Variants in TSPAN5 observed in about 807,000 individuals in gnomAD.
The protein encoded by TSPAN5 is tetraspanin 5, also known as tetraspanin-5.
TSPAN5 carries 10 observed loss-of-function variants against 37.1 expected under a neutral mutation model. The ratio of observed to expected loss-of-function variants is 0.27; its 90% confidence interval spans 0.17 to 0.46. TSPAN5 has a LOEUF of 0.46. TSPAN5 is among the 20% of genes least tolerant of loss of function. The pLI is 1.00. For missense variants in TSPAN5, 195 were observed against 326.6 expected (o/e 0.60, Z 3.11); for synonymous variants, 110 against 118.9 (o/e 0.93, Z 0.48).
At chr4:98,636,632 T>C (rs1756861659) in intron 1 of TSPAN5, among the ~76,000 whole-genome samples, 1 of 152,162 alleles carries the variant, frequency 6.6e-6, no homozygotes, top group African/African-American at 2.4e-5. Flanking sequence ...TCTATTAATC[T>C]GTGCACTTAA....
chr4:98,658,119 T>A (rs1174183439), intron 1 of TSPAN5, 27 bp downstream of exon 1: 2 of 1,594,408 alleles, frequency 1.3e-6, no homozygotes, highest in Non-Finnish European at 1.7e-6. Context: ...CCACAATAGT[T>A]GGAATCCCAG....
intron 3 of TSPAN5, among the ~76,000 whole-genome samples, chr4:98,485,715 G>C (rs1455537157): frequency 1.3e-5 from 2 of 150,816 alleles, no homozygotes; most frequent in Admixed American, 1.3e-4. Context: ...AAATGCTGGG[G>C]AAGAGAATCA....
intron 1 of TSPAN5, among the ~76,000 whole-genome samples, chr4:98,604,280 C>T (rs1389085917): frequency 6.6e-6 from 1 of 152,154 alleles, no homozygotes. Flanking sequence ...TTACACCAAA[C>T]CCCTAAAAAA....
intron 1 of TSPAN5, chr4:98,574,921 GCAC>G (rs1755200058): frequency 6.5e-6 from 1 of 153,090 alleles, no homozygotes; most frequent in South Asian, 2.0e-4. Flanking sequence ...AAAGAAAAGG[GCAC>G]CACGAAGATT....
chr4:98,603,192 G>A (rs746263216), intron 1 of TSPAN5, among the ~76,000 whole-genome samples: 18 of 152,026 alleles, frequency 1.2e-4, no homozygotes, highest in Non-Finnish European at 2.4e-4. Context: ...ACTGCATATC[G>A]CCATCTGTAC....
intron 1 of TSPAN5, among the ~76,000 whole-genome samples, chr4:98,548,747 C>G (rs1754528986): frequency 6.6e-6 from 1 of 151,948 alleles, no homozygotes; most frequent in Non-Finnish European, 1.5e-5. Context: ...ATCATTTGGC[C>G]CCCGTTTACA....
At chr4:98,487,009 G>T in intron 2 of TSPAN5, 125 bp from the exon 3 acceptor site, 1 of 847,800 alleles carries the variant, frequency 1.2e-6, no homozygotes, top group Non-Finnish European at 1.8e-6. Context: ...CTGATTATCA[G>T]GTATGTGATT....
chr4:98,524,118 A>C (rs1048797548), intron 1 of TSPAN5, among the ~76,000 whole-genome samples: 6 of 152,364 alleles, frequency 3.9e-5, no homozygotes, highest in African/African-American at 1.2e-4. Flanking sequence ...AAACTATCAC[A>C]TCATCTGTGC....
intron 1 of TSPAN5, among the ~76,000 whole-genome samples, chr4:98,607,953 C>A (rs562574724): frequency 6.6e-6 from 1 of 152,236 alleles, no homozygotes; most frequent in South Asian, 2.1e-4. Flanking sequence ...GCAAGTGATC[C>A]GCCTGCCTCG....
chr4:98,487,238 GAAA>G (rs11318498), intron 2 of TSPAN5, among the ~76,000 whole-genome samples: 39 of 130,388 alleles, frequency 3.0e-4, no homozygotes, highest in South Asian at 1.2e-3. Flanking sequence ...TATATGTAGA[GAAA>G]AAAAAAAAAA....
At chr4:98,476,953 AC>A (rs1472053044) in intron 5 of TSPAN5, among the ~76,000 whole-genome samples, 3 of 152,248 alleles carry the variant, frequency 2.0e-5, no homozygotes, top group Non-Finnish European at 4.4e-5. Flanking sequence ...AATCACACAG[AC>A]AACCTGACGT....
At chr4:98,642,396 T>C (rs1190177531) in intron 1 of TSPAN5, among the ~76,000 whole-genome samples, 1 of 152,162 alleles carries the variant, frequency 6.6e-6, no homozygotes, top group African/African-American at 2.4e-5. Flanking sequence ...GTTCAAAGAG[T>C]TTCTTTTCTA....
In TSPAN5 at chr4:98,557,729, C is replaced by T. The variant is rs549925844; in HGVS notation, c.82-50001G>A. On this transcript the variant is annotated intron_variant, in intron 1 of 7. Coordinates refer to ENST00000305798, the MANE Select transcript of TSPAN5 (RefSeq NM_005723.4). ...CAGCGGATTGCATCGGCCACGTGAT[C>T]AAGATTATGTTGACATGATCACATC... is the stretch of plus-strand genomic sequence containing the variant. Among the ~76,000 whole-genome samples, 3 of 152,246 alleles carry T rather than the reference C, an allele frequency of 2.0e-5. No individual in the cohort carries two copies. The East Asian group carries it at 5.8e-4, about 29-fold the overall frequency.
At chr4:98,583,873 T>C (rs1560546979) in intron 1 of TSPAN5, among the ~76,000 whole-genome samples, 1 of 152,162 alleles carries the variant, frequency 6.6e-6, no homozygotes, top group Non-Finnish European at 1.5e-5. Context: ...CCCCACTCCC[T>C]CTTCCCATCT....
intron 1 of TSPAN5, among the ~76,000 whole-genome samples, chr4:98,641,952 G>T (rs553092571): frequency 6.6e-6 from 1 of 152,238 alleles, no homozygotes; most frequent in Non-Finnish European, 1.5e-5. Flanking sequence ...GGTAGGCAAA[G>T]TGTTGAACAG....
At chr4:98,563,854 T>C (rs948031195) in intron 1 of TSPAN5, among the ~76,000 whole-genome samples, 5 of 152,138 alleles carry the variant, frequency 3.3e-5, no homozygotes, top group Non-Finnish European at 5.9e-5. Flanking sequence ...TGGGGAAGGG[T>C]GCACTGGCAT....
intron 1 of TSPAN5, among the ~76,000 whole-genome samples, chr4:98,588,174 C>T (rs1579012023): frequency 6.6e-6 from 1 of 151,806 alleles, no homozygotes; most frequent in Non-Finnish European, 1.5e-5. Flanking sequence ...AAAGTTAAAA[C>T]GAATTAACTT....
At chr4:98,496,608 A>G (rs1281155259) in intron 2 of TSPAN5, 1 of 152,212 alleles carries the variant, frequency 6.6e-6, no homozygotes, top group Non-Finnish European at 1.5e-5. Context: ...CAATCCTGCA[A>G]TCAAGTAGCT....
chr4:98,567,741 A>T (rs1196050422), intron 1 of TSPAN5, among the ~76,000 whole-genome samples: 1 of 151,078 alleles, frequency 6.6e-6, no homozygotes, highest in African/African-American at 2.4e-5. Flanking sequence ...AAAGGCAGGG[A>T]GGACTTTGGC....
Sources: allele counts gnomAD v4.1 joint callset (sites outside exome capture counted in the v4.1 genomes callset), GRCh38; gene constraint gnomAD v4.1.1; transcripts MANE v1.5; gene names NCBI Gene and HGNC (gene_info 2026-07-23, HGNC 2026-07-21).